Variants in CMSS1 observed in about 807,000 individuals in gnomAD.
CMSS1 encodes the protein cms1 ribosomal small subunit homolog.
In CMSS1, 33 loss-of-function variants were observed where a neutral mutation model predicts 43.5. That is an observed-to-expected ratio of 0.76 (90% CI 0.57 to 1.01). The LOEUF is 1.01. Among genes scored for constraint, CMSS1 ranks in the 50% least tolerant of loss-of-function variants. The pLI is 0.00. For synonymous variants in CMSS1, 115 were observed against 117.2 expected, an observed-to-expected ratio of 0.98 and a Z score of 0.12; for missense variants, 313 against 326.4, an observed-to-expected ratio of 0.96 and a Z score of 0.32.
chr3:99,890,768 G>A (rs1359540613), intron 1 of CMSS1, among the ~76,000 whole-genome samples: 3 of 150,964 alleles, frequency 2.0e-5, no homozygotes, highest in South Asian at 4.2e-4. Flanking sequence ...CTTACATGCT[G>A]TCTGATTATT....
intron 1 of CMSS1, among the ~76,000 whole-genome samples, chr3:100,104,978 A>G (rs572264704): frequency 1.3e-5 from 2 of 152,330 alleles, no homozygotes; most frequent in South Asian, 2.1e-4. Context: ...CTGTAAAAGT[A>G]TCTGCCTTTA....
chr3:99,822,881 T>C (rs186275265), intron 1 of CMSS1, among the ~76,000 whole-genome samples: 10 of 152,338 alleles, frequency 6.6e-5, no homozygotes, highest in Admixed American at 6.5e-4. Context: ...ACTGTTGTTA[T>C]CTTTATTTTA....
intron 1 of CMSS1, among the ~76,000 whole-genome samples, chr3:100,072,257 G>A (rs959732711): frequency 3.3e-5 from 5 of 152,192 alleles, no homozygotes; most frequent in African/African-American, 1.2e-4. Context: ...GGATTATTCA[G>A]TCAGAAATAG....
intron 1 of CMSS1, among the ~76,000 whole-genome samples, chr3:100,076,328 T>C (rs1292768770): frequency 6.6e-6 from 1 of 152,224 alleles, no homozygotes; most frequent in Non-Finnish European, 1.5e-5. Context: ...TCTGAAAGAA[T>C]GTTTAAAGCC....
intron 1 of CMSS1, among the ~76,000 whole-genome samples, chr3:99,902,494 T>C (rs943290509): frequency 6.6e-6 from 1 of 152,210 alleles, no homozygotes. Context: ...GGAAGTTATC[T>C]TGATATATAA....
At chr3:99,956,414 A>G (rs542791887) in intron 1 of CMSS1, among the ~76,000 whole-genome samples, 3 of 152,298 alleles carry the variant, frequency 2.0e-5, no homozygotes, top group South Asian at 2.1e-4. Flanking sequence ...GTGCCCTGGC[A>G]TGATCTTGGC....
intron 1 of CMSS1, among the ~76,000 whole-genome samples, chr3:99,832,082 A>AG (rs1439949459): frequency 6.6e-6 from 1 of 152,160 alleles, no homozygotes; most frequent in Non-Finnish European, 1.5e-5. Context: ...AGCTGCCTGA[A>AG]GGTTACTGGG....
At chr3:100,055,917 C>T (rs909928013) in intron 1 of CMSS1, among the ~76,000 whole-genome samples, 1 of 152,108 alleles carries the variant, frequency 6.6e-6, no homozygotes, top group Non-Finnish European at 1.5e-5. Context: ...GTATAGTACC[C>T]TCATTTTTCT....
intron 1 of CMSS1, among the ~76,000 whole-genome samples, chr3:99,876,414 C>T (rs1488826545): frequency 6.6e-6 from 1 of 152,220 alleles, no homozygotes; most frequent in African/African-American, 2.4e-5. Context: ...CGCCGGCGCC[C>T]TCCTGTCGGG....
intron 1 of CMSS1, chr3:99,848,527 T>C: frequency 6.2e-7 from 1 of 1,614,226 alleles, no homozygotes; most frequent in South Asian, 1.1e-5. Flanking sequence ...ACTTGAGCTA[T>C]TGCTGTTTGA....
intron 1 of CMSS1, among the ~76,000 whole-genome samples, chr3:99,957,684 T>A (rs1179789259): frequency 1.4e-5 from 2 of 142,130 alleles, no homozygotes; most frequent in Non-Finnish European, 3.0e-5. Context: ...TTTTCTCTTT[T>A]CTTTCTTTCT....
At chr3:100,178,253 G>T (rs2067163994) in intron 9 of CMSS1, 52 bp from the exon 10 acceptor site, 2 of 1,129,470 alleles carry the variant, frequency 1.8e-6, no homozygotes, top group East Asian at 2.4e-5. Context: ...TATTCACCAA[G>T]ACCATTTTGG....
chr3:100,069,355 A>G (rs1327593693), intron 1 of CMSS1, among the ~76,000 whole-genome samples: 1 of 151,864 alleles, frequency 6.6e-6, no homozygotes, highest in East Asian at 1.9e-4. Context: ...AAATTACCTA[A>G]TTTTTGCAAC....
chr3:100,060,055 G>T (rs936135415), intron 1 of CMSS1, among the ~76,000 whole-genome samples: 1 of 151,674 alleles, frequency 6.6e-6, no homozygotes, highest in African/African-American at 2.4e-5. Flanking sequence ...AAATGGGGGC[G>T]GGGGGAAGAT....
At chr3:100,177,105 ACAAAT>A (rs1466069041) in intron 9 of CMSS1, among the ~76,000 whole-genome samples, 1 of 152,240 alleles carries the variant, frequency 6.6e-6, no homozygotes, top group African/African-American at 2.4e-5. Context: ...CTAACCAAGA[ACAAAT>A]CATGGCAGTA....
At chr3:100,146,192 C>T (rs1221979604) in intron 1 of CMSS1, among the ~76,000 whole-genome samples, 1 of 152,158 alleles carries the variant, frequency 6.6e-6, no homozygotes, top group Non-Finnish European at 1.5e-5. Flanking sequence ...TTCTGGTCAC[C>T]GTGTTTCTTC....
At chr3:99,932,981 C>T (rs1282692280) in intron 1 of CMSS1, among the ~76,000 whole-genome samples, 1 of 152,184 alleles carries the variant, frequency 6.6e-6, no homozygotes, top group Non-Finnish European at 1.5e-5. Flanking sequence ...TTCTTCTCAG[C>T]ATTTTCCATG....
intron 1 of CMSS1, among the ~76,000 whole-genome samples, chr3:99,884,094 T>C (rs1343208093): frequency 6.6e-6 from 1 of 152,286 alleles, no homozygotes; most frequent in Non-Finnish European, 1.5e-5. Flanking sequence ...ATTATCTAGT[T>C]AGCAGCCCTT....
chr3:99,915,750 G>T (rs1421887677), intron 1 of CMSS1, among the ~76,000 whole-genome samples: 2 of 152,168 alleles, frequency 1.3e-5, no homozygotes, highest in African/African-American at 4.8e-5. Context: ...CATGCCTTGA[G>T]TATAAGCCCT....
Sources: gnomAD v4.1 joint callset for allele counts (sites outside exome capture counted in the v4.1 genomes callset) on GRCh38, gnomAD v4.1.1 for gene constraint, MANE v1.5 for transcripts, NCBI Gene and HGNC (gene_info 2026-07-23, HGNC 2026-07-21) for gene names.